The following GSDMA variants were observed in gnomAD, a reference collection of about 807,000 sequenced individuals.
GSDMA encodes the protein gasdermin A.
In GSDMA, 55 loss-of-function variants were observed where a neutral mutation model predicts 54.3. The ratio of observed to expected loss-of-function variants is 1.01; its 90% CI spans 0.82 to 1.27. GSDMA has a LOEUF of 1.27. Among genes scored for constraint, GSDMA ranks in the 50% most tolerant of loss-of-function variants. The pLI is 0.00. For synonymous variants in GSDMA, 211 were observed against 224.7 expected, an observed-to-expected ratio of 0.94 and a Z score of 0.54; for missense variants, 542 against 542.6, an observed-to-expected ratio of 1.00 and a Z score of 0.01.
chr17:39,971,461 C>A, intron 4 of GSDMA, 63 bp from the exon 5 acceptor site: 2 of 1,344,112 alleles, frequency 1.5e-6, no homozygotes. Context: ...CCCCAACTCA[C>A]GCTCCCAATA....
At chr17:39,972,103 C>A in intron 5 of GSDMA, 26 bp from the exon 6 acceptor site, 2 of 728,546 alleles carry the variant, frequency 2.7e-6, no homozygotes, top group Non-Finnish European at 4.8e-6. Flanking sequence ...AGTGTCCTCC[C>A]ACCCTCCCTC....
intron 3 of GSDMA, among the ~76,000 whole-genome samples, chr17:39,970,058 G>T (rs1425943676): frequency 6.6e-6 from 1 of 151,762 alleles, no homozygotes; most frequent in South Asian, 2.1e-4. Flanking sequence ...GGAGAGAAAG[G>T]ATCCCAGAGA....
chr17:39,972,550 T>C, intron 6 of GSDMA, 37 bp from the exon 7 acceptor site: 1 of 1,607,826 alleles, frequency 6.2e-7, no homozygotes, highest in Non-Finnish European at 8.5e-7. Flanking sequence ...CAAAAATGGG[T>C]TTTGTGCTGA....
intron 11 of GSDMA, 114 bp from the exon 12 acceptor site, chr17:39,976,702 A>G: frequency 7.2e-7 from 1 of 1,392,318 alleles, no homozygotes; most frequent in South Asian, 1.3e-5. Flanking sequence ...TTGTAATGTA[A>G]GGTAAAGTAA....
chr17:39,972,206 A>G (rs755980498), intron 6 of GSDMA, 30 bp downstream of exon 6: 3 of 1,499,606 alleles, frequency 2.0e-6, no homozygotes, highest in South Asian at 2.4e-5. Context: ...GGCTTCCCAC[A>G]TCTTCCGCCC....
chr17:39,965,944 C>CACTG, intron 2 of GSDMA, 43 bp downstream of exon 2: 13 of 1,525,760 alleles, frequency 8.5e-6, no homozygotes, highest in African/African-American at 1.4e-5. Context: ...TACTGAGGGA[C>CACTG]AGGGGCTGGG....
At chr17:39,964,009 T>G (rs1979524719) in intron 1 of GSDMA, among the ~76,000 whole-genome samples, 1 of 152,214 alleles carries the variant, frequency 6.6e-6, no homozygotes, top group Non-Finnish European at 1.5e-5. Flanking sequence ...TGGTACTTGC[T>G]GCTGCAGAGG....
chr17:39,972,100 T>TTGGC, intron 5 of GSDMA, 29 bp from the exon 6 acceptor site: 16 of 835,096 alleles, frequency 1.9e-5, no homozygotes, highest in Non-Finnish European at 2.9e-5. Context: ...CTAAGTGTCC[T>TTGGC]CCCACCCTCC....
chr17:39,971,545 G>T lies in GSDMA; in HGVS notation c.580G>T (p.Ala194Ser), dbSNP rs754332038. Residue 194 changes from alanine (A) to serine (S), a missense_variant, in exon 5 of 12, where the codon GCT becomes TCT. Ala to Ser is a moderately conservative substitution (Grantham distance 99). Coordinates refer to ENST00000301659, the MANE Select transcript of GSDMA (RefSeq NM_178171.5). ...GLQGSINHKE[A>S]VTIPKGCVLA... ...CTAGGGATCCATAAATCACAAGGAG[G>T]CTGTAACCATCCCCAAGGGCTGCGT... 5 of 1,613,576 alleles carry T rather than the reference G, an allele frequency of 3.1e-6. No individual in the cohort carries two copies. The East Asian group carries it at 8.9e-5, about 29-fold the overall frequency.
In GSDMA at chr17:39,970,553, A is replaced by G; in HGVS notation, c.464A>G (p.Glu155Gly). 1.2e-6 allele frequency: 2 copies of G among 1,609,538 alleles called. No individual in the cohort carries two copies. Residue 155 changes from glutamate to glycine, a missense_variant, in exon 4 of 12, where the codon GAG becomes GGG. Physicochemically the swap from Glu to Gly is moderately conservative, Grantham distance 98. Coordinates refer to ENST00000301659, the MANE Select transcript of GSDMA (RefSeq NM_178171.5). ...DQGENLYVVM[E>G]VVETVQEVTL... Reference sequence around the variant, plus strand: ...GGGGAGAACCTGTATGTGGTGATGGAGGTGGTGGAGACGGTGCAGGAGGTC... The same window carrying G: ...GGGGAGAACCTGTATGTGGTGATGGGGGTGGTGGAGACGGTGCAGGAGGTC...
In GSDMA at chr17:39,971,581, C is replaced by T; in HGVS notation, c.616C>T (p.Arg206Ter). Residue 206 changes from arginine to a stop codon, truncating the protein, a stop_gained, in exon 5 of 12, where the codon CGA (arginine) becomes TGA (stop). Transcript: ENST00000301659. LOFTEE classifies it high-confidence loss of function. ...CCCCAAGGGCTGCGTCCTGGCCTTT[C>T]GAGTGAGACAGCTGATGGTCAAAGG... Reference protein sequence around the residue: ...TIPKGCVLAFRVRQLMVKGKD... With the variant: ...TIPKGCVLAF The T allele has an allele frequency of 6.2e-7, 1 of 1,613,846 alleles. No homozygotes were observed. Among genetic ancestry groups the T allele is most frequent in the African/African-American group, 1.3e-5 (1 of 75,008 alleles).
chr17:39,976,061 A>C (rs1334607678), intron 11 of GSDMA, 64 bp downstream of exon 11: 1 of 1,270,948 alleles, frequency 7.9e-7, no homozygotes, highest in Non-Finnish European at 1.1e-6. Flanking sequence ...GGAGATGCAG[A>C]TTTCGCCTAA....
chr17:39,974,236 C>T (rs1017672258), intron 8 of GSDMA, 37 bp from the exon 9 acceptor site: 7 of 1,571,356 alleles, frequency 4.5e-6, no homozygotes, highest in South Asian at 2.3e-5. Context: ...GGAAGGTGCC[C>T]GATGGAGGGC....
Position 39,976,968 on chromosome 17 carries a change from C to T in GSDMA, c.1248C>T (p.Pro416=), listed in dbSNP as rs1212926611. The change falls in exon 12 of 12, where the codon CCC becomes CCT. Residue 416 remains proline (P), a synonymous_variant. Coordinates refer to ENST00000301659, the MANE Select transcript of GSDMA (RefSeq NM_178171.5). ...LSGLEVQRSG[P]QYMWDPDTLP... is the part of the protein sequence containing the mutation. ...GCCTGGAAGTGCAGAGATCGGGCCC[C>T]CAATATATGTGGGACCCAGACACCC... The T allele has an allele frequency of 1.2e-6, 2 of 1,613,950 alleles. No individual in the cohort carries two copies. The highest frequency in any genetic ancestry group is 1.1e-5 in the South Asian group (1 of 91,084).
At chr17:39,971,661 T>G in intron 5 of GSDMA, 41 bp downstream of exon 5, 1 of 1,471,538 alleles carries the variant, frequency 6.8e-7, no homozygotes, top group Non-Finnish European at 9.5e-7. Flanking sequence ...AGATGAGAAT[T>G]ACCTGCACCA....
intron 7 of GSDMA, among the ~76,000 whole-genome samples, chr17:39,973,253 G>A (rs4065876): frequency 0.41 from 61,951 of 149,640 alleles, 13,145 homozygotes; most frequent in East Asian, 0.48. Context: ...GATTACAGGC[G>A]TGAGCCACGG....
chr17:39,965,949 G>T lies in GSDMA; in HGVS notation c.214+48G>T, dbSNP rs771642842. ...AACTGAGGGATACTGAGGGACAGGG[G>T]CTGGGCACCTGGCCTGCAAGGAGGA... On this transcript the variant is annotated intron_variant, in intron 2 of 11. Coordinates refer to ENST00000301659, the MANE Select transcript of GSDMA (RefSeq NM_178171.5). 10 of 1,504,246 alleles carry T rather than the reference G, an allele frequency of 6.6e-6. No homozygotes were observed. The South Asian group carries it at 1.2e-4, about 18-fold the overall frequency. The allele number at this position is 1,504,246 out of a possible 1,614,324, so 93.2% of individuals were successfully genotyped here.
chr17:39,977,037 G>A lies in GSDMA; in HGVS notation c.1317G>A (p.Gln439=). 1 of 1,613,854 alleles carries A rather than the reference G, an allele frequency of 6.2e-7. No homozygotes were observed. Among genetic ancestry groups the A allele is most frequent in the South Asian group, 1.1e-5 (1 of 91,086 alleles). Residue 439 remains glutamine, a synonymous_variant, in exon 12 of 12, where the codon CAG becomes CAA. Transcript: ENST00000301659. ...TTTATGCAGGCCTCTCTCTCCTTCA[G>A]CAGCTTACCAAGGCCTCCTAATTTG... ...CALYAGLSLL[Q]QLTKAS is the part of the protein sequence containing the mutation.
intron 2 of GSDMA, 43 bp from the exon 3 acceptor site, chr17:39,966,215 CTG>C (rs1979653744): frequency 6.2e-7 from 1 of 1,601,374 alleles, no homozygotes; most frequent in African/African-American, 1.3e-5. Flanking sequence ...GCATGAGTTA[CTG>C]CACCCAGCCA....
Sources: allele counts gnomAD v4.1 joint callset (sites outside exome capture counted in the v4.1 genomes callset), GRCh38; gene constraint gnomAD v4.1.1; transcripts MANE v1.5; gene names NCBI Gene and HGNC (gene_info 2026-07-23, HGNC 2026-07-21).